The following IMPG1 variants were observed in gnomAD, a reference collection of about 807,000 sequenced individuals.
IMPG1 encodes interphotoreceptor matrix proteoglycan of 150 kDa.
Under a neutral mutation model 92.0 loss-of-function variants are expected in IMPG1, and 85 were observed. The ratio of observed to expected loss-of-function variants is 0.92; its 90% CI spans 0.78 to 1.11. The LOEUF (loss-of-function observed/expected upper bound fraction) is 1.11, where lower values mean the gene tolerates loss of function less well. Ranked by LOEUF, IMPG1 falls within the 50% of genes least tolerant of loss-of-function variation. The pLI, the probability that IMPG1 is intolerant of heterozygous loss-of-function variation, is 0.00. For synonymous variants in IMPG1, 367 were observed against 334.1 expected (o/e 1.10, Z -1.08); for missense variants, 1,022 against 956.0 (o/e 1.07, Z -0.91).
At chr6:75,958,092 G>A (rs1782158531) in intron 12 of IMPG1, among the ~76,000 whole-genome samples, 1 of 152,148 alleles carries the variant, frequency 6.6e-6, no homozygotes, top group Non-Finnish European at 1.5e-5. Context: ...GCCTGGTGGT[G>A]ACAAAATCTC....
At position 76,018,774 on chromosome 6, in the gene IMPG1, G is replaced by A. The variant is rs1313815613; in HGVS notation, c.751C>T (p.Leu251Phe). 1 of 1,613,292 alleles carries A rather than the reference G, an allele frequency of 6.2e-7. No individual in the cohort carries two copies. The highest frequency in any genetic ancestry group is 8.5e-7 in the Non-Finnish European group (1 of 1,179,740). The change falls in exon 7 of 17, where the codon CTC (leucine) becomes TTC (phenylalanine). Residue 251 changes from leucine to phenylalanine, a missense_variant. Physicochemically the swap from Leu to Phe is conservative, Grantham distance 22 (BLOSUM62 0). This residue lies in a region of IMPG1 where 681 missense variants were observed against 583.6 expected (regional missense o/e 1.17). Coordinates refer to ENST00000369950, the MANE Select transcript of IMPG1 (RefSeq NM_001563.4). The part of the protein sequence containing the change: ...SLVNQKFKAE[L>F]ADSQSPYYQE... ...TAATATGGGGACTGGGAGTCAGCGA[G>A]CTCTGCCTTGAACTTCTGGTTTACC...
intron 14 of IMPG1, among the ~76,000 whole-genome samples, chr6:75,940,329 G>A (rs777370305): frequency 1.3e-5 from 2 of 152,068 alleles, no homozygotes; most frequent in Non-Finnish European, 2.9e-5. Flanking sequence ...TATTTCCTTA[G>A]AACTGGTTTT....
chr6:76,039,348 A>T (rs1334426318), intron 2 of IMPG1, among the ~76,000 whole-genome samples: 2 of 145,444 alleles, frequency 1.4e-5, no homozygotes, highest in Non-Finnish European at 3.0e-5. Flanking sequence ...TGAAAGAAAG[A>T]TCTAGCTGTT....
intron 12 of IMPG1, among the ~76,000 whole-genome samples, chr6:75,956,752 A>T (rs1782129694): frequency 6.6e-6 from 1 of 152,136 alleles, no homozygotes; most frequent in South Asian, 2.1e-4. Flanking sequence ...TTCCCTGGAA[A>T]CACTGCTTTA....
chr6:76,054,908 C>T (rs1451183670), intron 1 of IMPG1, among the ~76,000 whole-genome samples: 1 of 151,912 alleles, frequency 6.6e-6, no homozygotes, highest in Non-Finnish European at 1.5e-5. Context: ...ATTCTATGCA[C>T]TTAATAATAT....
intron 15 of IMPG1, among the ~76,000 whole-genome samples, chr6:75,925,789 C>T (rs903967160): frequency 2.0e-5 from 3 of 152,266 alleles, no homozygotes; most frequent in Non-Finnish European, 2.9e-5. Context: ...CCTCAGCCTC[C>T]GGAGTAGCTG....
At chr6:76,023,423 G>T (rs1172385289) in intron 5 of IMPG1, among the ~76,000 whole-genome samples, 3 of 152,054 alleles carry the variant, frequency 2.0e-5, no homozygotes, top group Non-Finnish European at 4.4e-5. Flanking sequence ...TTTTTATTTG[G>T]CTATCCTTCC....
In IMPG1 at chr6:75,946,533, C is replaced by A. The variant is rs572615352; in HGVS notation, c.2044+781G>T. Reference sequence around the variant, plus strand: ...ACCCCAGGGAATAAAGGACTTCTTTCAATTGGTTAGAAAACAGAATTTTGA... The same window carrying A: ...ACCCCAGGGAATAAAGGACTTCTTTAAATTGGTTAGAAAACAGAATTTTGA... On this transcript the variant is annotated intron_variant, in intron 14 of 16. Transcript: ENST00000369950. Among the ~76,000 whole-genome samples, 4 of 152,302 alleles carry A rather than the reference C, an allele frequency of 2.6e-5. 1 individual carries two copies. In the East Asian group the frequency reaches 7.7e-4, roughly 29 times the overall value.
intron 7 of IMPG1, 34 bp downstream of exon 7, chr6:76,018,684 T>C: frequency 1.3e-6 from 2 of 1,598,320 alleles, no homozygotes; most frequent in Non-Finnish European, 1.7e-6. Flanking sequence ...CAGTCACAGC[T>C]TGAGGTGTGG....
chr6:76,061,310 A>G (rs1342200021), intron 1 of IMPG1, among the ~76,000 whole-genome samples: 1 of 152,212 alleles, frequency 6.6e-6, no homozygotes, highest in Admixed American at 6.5e-5. Context: ...TCTTAGACAC[A>G]GTTGAACAAG....
intron 15 of IMPG1, chr6:75,928,613 T>G (rs1781604104): frequency 1.3e-5 from 2 of 152,190 alleles, no homozygotes; most frequent in South Asian, 4.1e-4. Flanking sequence ...CTACTGTACT[T>G]GACTAGCCTA....
At position 76,065,251 on chromosome 6, in the gene IMPG1, T is replaced by A. The variant is rs9447597; in HGVS notation, c.67+7171A>T. ...TGGATCTTAACCAAAATGAAATCTT[T>A]GAAATACCAGATAAAGAAGTCAAAA... On this transcript the variant is annotated intron_variant, in intron 1 of 16. Coordinates refer to ENST00000369950, the MANE Select transcript of IMPG1 (RefSeq NM_001563.4). Among the ~76,000 whole-genome samples, 790 of 152,160 alleles carry A rather than the reference T, an allele frequency of 5.2e-3. 7 individuals are homozygous for A. The highest frequency in any genetic ancestry group is 0.018 in the African/African-American group (759 of 41,530).
chr6:75,988,090 A>G (rs541009479), intron 12 of IMPG1, among the ~76,000 whole-genome samples: 1 of 152,334 alleles, frequency 6.6e-6, no homozygotes, highest in South Asian at 2.1e-4. Context: ...ATATGTGTGC[A>G]TGTGTCTTTA....
intron 12 of IMPG1, among the ~76,000 whole-genome samples, chr6:76,001,231 C>T (rs1474695475): frequency 6.6e-6 from 1 of 152,138 alleles, no homozygotes; most frequent in South Asian, 2.1e-4. Context: ...ACCTGAAATG[C>T]TAATCTTATA....
intron 14 of IMPG1, among the ~76,000 whole-genome samples, chr6:75,937,951 A>G (rs537841010): frequency 1.3e-5 from 2 of 152,354 alleles, no homozygotes; most frequent in South Asian, 4.1e-4. Flanking sequence ...AAAGCCCTAC[A>G]TGCTTCTGAA....
At chr6:75,973,288 A>AC (rs1782453000) in intron 12 of IMPG1, among the ~76,000 whole-genome samples, 1 of 121,356 alleles carries the variant, frequency 8.2e-6, no homozygotes, top group Non-Finnish European at 1.8e-5. Context: ...CTGCAATCCT[A>AC]CTTTCCCCCC....
At chr6:76,001,656 C>T (rs1250062110) in intron 12 of IMPG1, among the ~76,000 whole-genome samples, 3 of 152,156 alleles carry the variant, frequency 2.0e-5, no homozygotes, top group African/African-American at 4.8e-5. Flanking sequence ...GATTTGCCAG[C>T]CAGTGAGTGA....
At chr6:75,987,651 T>TC (rs1281748305) in intron 12 of IMPG1, among the ~76,000 whole-genome samples, 1 of 151,404 alleles carries the variant, frequency 6.6e-6, no homozygotes, top group Non-Finnish European at 1.5e-5. Context: ...TCATCACTTT[T>TC]TTTTTTTTTT....
chr6:75,944,620 A>G (rs1359168425), intron 14 of IMPG1, among the ~76,000 whole-genome samples: 2 of 152,206 alleles, frequency 1.3e-5, no homozygotes, highest in African/African-American at 2.4e-5. Context: ...TTCAATGTAT[A>G]TAAAATTTAG....
Sources: allele counts gnomAD v4.1 joint callset (sites outside exome capture counted in the v4.1 genomes callset), GRCh38; gene constraint gnomAD v4.1.1; regional missense constraint gnomAD v4.1.1; transcripts MANE v1.5; gene names NCBI Gene and HGNC (gene_info 2026-07-23, HGNC 2026-07-21).